SLC6A5: variants seen among roughly 807,000 people sequenced by gnomAD.
The protein encoded by SLC6A5 is solute carrier family 6 member 5, also known as sodium- and chloride-dependent glycine transporter 2.
SLC6A5 carries 58 observed loss-of-function variants against 90.5 expected under a neutral mutation model. That is an observed-to-expected ratio of 0.64 (90% CI 0.52 to 0.80). The LOEUF is 0.80. Ranked by LOEUF, SLC6A5 falls within the 30% of genes least tolerant of loss-of-function variation. The pLI is 0.00. For synonymous variants in SLC6A5, 427 were observed against 401.4 expected (o/e 1.06, Z -0.76); for missense variants, 1,015 against 1,017.6 (o/e 1.00, Z 0.03).
intron 5 of SLC6A5, among the ~76,000 whole-genome samples, chr11:20,611,767 GA>G (rs56739547): frequency 0.62 from 89,042 of 143,966 alleles, 27,441 homozygotes; most frequent in South Asian, 0.73. Context: ...TTATTTTGGT[GA>G]AAAAAAAAAA....
intron 3 of SLC6A5, among the ~76,000 whole-genome samples, chr11:20,605,286 C>T (rs1852557259): frequency 6.6e-6 from 1 of 152,226 alleles, no homozygotes; most frequent in Non-Finnish European, 1.5e-5. Context: ...ATAGGTCAGG[C>T]AGTTTAAGGG....
At chr11:20,647,791 C>T (rs1257768036) in intron 14 of SLC6A5, among the ~76,000 whole-genome samples, 2 of 152,186 alleles carry the variant, frequency 1.3e-5, no homozygotes, top group African/African-American at 4.8e-5. Context: ...AGGCGGTCTG[C>T]CTCTAGAATT....
intron 10 of SLC6A5, among the ~76,000 whole-genome samples, chr11:20,631,751 G>A (rs1001162550): frequency 7.9e-5 from 12 of 152,272 alleles, no homozygotes; most frequent in East Asian, 5.8e-4. Flanking sequence ...ACCAAGGGGC[G>A]TACCTGTGAG....
At chr11:20,643,357 G>A (rs1853350696) in intron 13 of SLC6A5, among the ~76,000 whole-genome samples, 1 of 151,970 alleles carries the variant, frequency 6.6e-6, no homozygotes, top group African/African-American at 2.4e-5. Flanking sequence ...CTAGTGATCA[G>A]AGGCCACTCA....
At chr11:20,603,619 T>G (rs1192707040) in intron 2 of SLC6A5, among the ~76,000 whole-genome samples, 1 of 152,190 alleles carries the variant, frequency 6.6e-6, no homozygotes, top group Non-Finnish European at 1.5e-5. Context: ...TTTTCCGTCT[T>G]GTTTCACCTT....
Position 20,646,538 on chromosome 11 carries a change from G to A in SLC6A5, c.1970-296G>A, listed in dbSNP as rs76895485. ...ATGTGAGATGTCAGGTTGTAGCAATGCTGAGAGTCTGGGCCAGGCTGGAAC... is the reference window on the plus strand; with the variant it reads ...ATGTGAGATGTCAGGTTGTAGCAATACTGAGAGTCTGGGCCAGGCTGGAAC... On this transcript the variant is annotated intron_variant, in intron 13 of 15. Coordinates refer to ENST00000525748, the MANE Select transcript of SLC6A5 (RefSeq NM_004211.5). 9.8e-3 allele frequency among the ~76,000 whole-genome samples: 1,500 copies of A among 152,318 alleles called. 36 individuals carry two copies. Among genetic ancestry groups the A allele is most frequent in the East Asian group, 0.095 (490 of 5,182 alleles).
intron 5 of SLC6A5, among the ~76,000 whole-genome samples, chr11:20,608,859 A>AT (rs1254696571): frequency 6.7e-6 from 1 of 150,224 alleles, no homozygotes; most frequent in Admixed American, 6.6e-5. Flanking sequence ...GAGAGATGAC[A>AT]TTTTTTTCTG....
At chr11:20,621,676 G>A (rs966523140) in intron 7 of SLC6A5, among the ~76,000 whole-genome samples, 1 of 152,208 alleles carries the variant, frequency 6.6e-6, no homozygotes, top group Admixed American at 6.5e-5. Context: ...GCAGCTGAAG[G>A]TGCTTTATGA....
At chr11:20,634,359 T>A (rs1439829856) in intron 10 of SLC6A5, among the ~76,000 whole-genome samples, 1 of 152,238 alleles carries the variant, frequency 6.6e-6, no homozygotes, top group Non-Finnish European at 1.5e-5. Context: ...GAGTCTGCTG[T>A]AATTTAGCTT....
At chr11:20,629,489 G>GT (rs1853066503) in intron 9 of SLC6A5, among the ~76,000 whole-genome samples, 1 of 152,074 alleles carries the variant, frequency 6.6e-6, no homozygotes, top group East Asian at 1.9e-4. Context: ...TTCTTTATAC[G>GT]TTTTTTGCTT....
At position 20,659,052 on chromosome 11, in the gene SLC6A5, A is replaced by ATC. The variant is rs1448526715; in HGVS notation, c.*4185_*4186dup. Reference sequence around the variant, plus strand: ...AAATATATTATGTTACAAATGATGCATCATATATATATATATATATATATA... The same window carrying ATC: ...AAATATATTATGTTACAAATGATGCATCTCATATATATATATATATATATATA... On this transcript the variant is annotated 3_prime_UTR_variant, in exon 16 of 16. Transcript: ENST00000525748. 3.3e-4 allele frequency: 11 copies of ATC among 33,726 alleles called. No homozygotes were observed. Among genetic ancestry groups the ATC allele is most frequent in the Non-Finnish European group, 4.8e-4 (9 of 18,812 alleles). 2.1% of individuals were successfully genotyped at this position (33,726 alleles called of 1,614,324 possible).
rs1383092981 is a variant in SLC6A5, at chr11:20,658,625, A to G, written c.*3757A>G. Reference sequence around the variant, plus strand: ...CAGATTTTGCTTTAATTGCCCAGAAAGGCCAAGTAGTTTTGAAATGTGGTC... The same window carrying G: ...CAGATTTTGCTTTAATTGCCCAGAAGGGCCAAGTAGTTTTGAAATGTGGTC... On this transcript the variant is annotated 3_prime_UTR_variant, in exon 16 of 16. Transcript: ENST00000525748. 1 of 152,170 alleles carries G rather than the reference A, an allele frequency of 6.6e-6. No homozygotes were observed. The highest frequency in any genetic ancestry group is 1.5e-5 in the Non-Finnish European group (1 of 68,032). 9.4% of individuals were successfully genotyped at this position (152,170 alleles called of 1,614,324 possible).
rs121908494 is a variant in SLC6A5, at chr11:20,628,056, A to G, written c.1472A>G (p.Tyr491Cys). Residue 491 changes from tyrosine (Y) to cysteine (C), a missense_variant, in exon 9 of 16, where the codon TAC becomes TGC. Around this residue, in one of 3 missense-constraint regions of SLC6A5, gnomAD observed 442 missense variants for 494.3 expected, o/e 0.89. Coordinates refer to ENST00000525748, the MANE Select transcript of SLC6A5 (RefSeq NM_004211.5). ...GGAGGCCTGATCACTCTCTCTTCTT[A>G]CAACAAATTCCACAACAACTGCTAC... ...AWGGLITLSS[Y>C]NKFHNNCYRD... 1.8e-5 allele frequency: 29 copies of G among 1,613,922 alleles called. No individual in the cohort carries two copies. The highest frequency in any genetic ancestry group is 2.3e-5 in the Non-Finnish European group (27 of 1,179,958).
Position 20,601,227 on chromosome 11 carries a change from G to T in SLC6A5, c.102G>T (p.Thr34=), listed in dbSNP as rs762445548. Residue 34 remains threonine, a synonymous_variant, in exon 2 of 16, where the codon ACG becomes ACT. Coordinates refer to ENST00000525748, the MANE Select transcript of SLC6A5 (RefSeq NM_004211.5). Reference sequence around the variant, plus strand: ...CGGATGGCCCATGCGCTCCCAGGACGAGCCCGGAGCAGGAGCTTCCCGCGG... The same window carrying T: ...CGGATGGCCCATGCGCTCCCAGGACTAGCCCGGAGCAGGAGCTTCCCGCGG... ...GHPDGPCAPR[T]SPEQELPAAA... 281 of 1,582,298 alleles carry T rather than the reference G, an allele frequency of 1.8e-4. No homozygotes were observed. The highest frequency in any genetic ancestry group is 1.4e-4 in the Non-Finnish European group (167 of 1,172,034).
At chr11:20,641,159 T>C (rs1014337887) in intron 13 of SLC6A5, among the ~76,000 whole-genome samples, 5 of 152,224 alleles carry the variant, frequency 3.3e-5, no homozygotes, top group African/African-American at 1.2e-4. Flanking sequence ...TAGAGTCATT[T>C]TGAAAAAATG....
At chr11:20,644,343 T>C (rs1853369429) in intron 13 of SLC6A5, among the ~76,000 whole-genome samples, 4 of 152,244 alleles carry the variant, frequency 2.6e-5, no homozygotes, top group Admixed American at 2.6e-4. Flanking sequence ...AGTGTTTGTC[T>C]TTCTGTGCCT....
chr11:20,613,745 G>A (rs1250417062), intron 5 of SLC6A5, among the ~76,000 whole-genome samples: 1 of 144,702 alleles, frequency 6.9e-6, no homozygotes, highest in African/African-American at 2.6e-5. Flanking sequence ...CTGCAGCCTT[G>A]CATTTCTGGG....
At position 20,628,032 on chromosome 11, in the gene SLC6A5, G is replaced by GTT; in HGVS notation, c.1448_1449insTT (p.Gly484Ter). Reference sequence around the variant, plus strand: ...TTCTTCTCTTTATCTGCTGCATGGGGAGGCCTGATCACTCTCTCTTCTTAC... The same window carrying GTT: ...TTCTTCTCTTTATCTGCTGCATGGGGTTAGGCCTGATCACTCTCTCTTCTTAC... On this transcript the variant is annotated frameshift_variant, in exon 9 of 16. Coordinates refer to ENST00000525748, the MANE Select transcript of SLC6A5 (RefSeq NM_004211.5). LOFTEE classifies it high-confidence loss of function. 2 of 1,614,142 alleles carry GTT rather than the reference G, an allele frequency of 1.2e-6. No homozygotes were observed. Among genetic ancestry groups the GTT allele is most frequent in the Non-Finnish European group, 1.7e-6 (2 of 1,180,022 alleles).
intron 14 of SLC6A5, among the ~76,000 whole-genome samples, chr11:20,649,311 C>T (rs73450283): frequency 0.024 from 3,666 of 152,218 alleles, 150 homozygotes; most frequent in African/African-American, 0.084. Flanking sequence ...GGGTCAATTC[C>T]ATCATCATTG....
Sources: allele counts gnomAD v4.1 joint callset (sites outside exome capture counted in the v4.1 genomes callset), GRCh38; gene constraint gnomAD v4.1.1; regional missense constraint gnomAD v4.1.1; transcripts MANE v1.5; gene names NCBI Gene and HGNC (gene_info 2026-07-23, HGNC 2026-07-21).